NCK2: variants seen among roughly 807,000 people sequenced by gnomAD.
NCK2 encodes the protein NCK adaptor protein 2, also known as cytoplasmic protein NCK2.
Under a neutral mutation model 33.9 loss-of-function variants are expected in NCK2, and 16 were observed. The ratio of observed to expected loss-of-function variants is 0.47; its 90% CI spans 0.32 to 0.72. NCK2 has a LOEUF of 0.72. Among genes scored for constraint, NCK2 ranks in the 30% least tolerant of loss-of-function variants. The pLI, the probability that NCK2 is intolerant of heterozygous loss-of-function variation, is 0.03. For missense variants in NCK2, 418 were observed against 537.3 expected, an observed-to-expected ratio of 0.78 and a Z score of 2.19; for synonymous variants, 273 against 239.9, an observed-to-expected ratio of 1.14 and a Z score of -1.27.
intron 2 of NCK2, among the ~76,000 whole-genome samples, chr2:105,824,629 C>T (rs1005681707): frequency 1.3e-5 from 2 of 152,098 alleles, no homozygotes; most frequent in South Asian, 2.1e-4. Flanking sequence ...CACGTCTCGG[C>T]GGCGTGTGCT....
chr2:105,803,097 C>T (rs935116262), intron 1 of NCK2, among the ~76,000 whole-genome samples: 32 of 151,944 alleles, frequency 2.1e-4, no homozygotes, highest in African/African-American at 7.7e-4. Context: ...ATTATAGTTC[C>T]CCTAGCTTTG....
intron 2 of NCK2, among the ~76,000 whole-genome samples, chr2:105,852,782 G>C (rs1677116355): frequency 2.0e-5 from 3 of 152,096 alleles, no homozygotes; most frequent in Admixed American, 6.5e-5. Context: ...AGTCTAATCT[G>C]ACATAAAGCT....
intron 4 of NCK2, among the ~76,000 whole-genome samples, chr2:105,887,040 G>A (rs1678748458): frequency 6.6e-6 from 1 of 152,194 alleles, no homozygotes; most frequent in African/African-American, 2.4e-5. Context: ...CTTCACACTT[G>A]GGGCAAGGAA....
chr2:105,788,096 C>T (rs1690744883), intron 1 of NCK2, among the ~76,000 whole-genome samples: 1 of 152,194 alleles, frequency 6.6e-6, no homozygotes, highest in Non-Finnish European at 1.5e-5. Flanking sequence ...AAAAGCTTCT[C>T]AATTTGACTT....
At chr2:105,749,720 G>A (rs766897162) in intron 1 of NCK2, among the ~76,000 whole-genome samples, 58 of 152,168 alleles carry the variant, frequency 3.8e-4, no homozygotes, top group South Asian at 8.3e-4. Context: ...GAGGTTGAGC[G>A]GTGTGAGGGG....
intron 2 of NCK2, among the ~76,000 whole-genome samples, chr2:105,852,292 C>T (rs1286033090): frequency 6.6e-6 from 1 of 152,182 alleles, no homozygotes. Flanking sequence ...CTTCCCATTG[C>T]ATTTCGCAGA....
chr2:105,806,238 C>CTTTTTTT (rs56141591), intron 1 of NCK2, among the ~76,000 whole-genome samples: 10 of 135,968 alleles, frequency 7.4e-5, no homozygotes, highest in Non-Finnish European at 9.1e-5. Flanking sequence ...CATTTTCTTT[C>CTTTTTTT]TTTTTTTTTT....
At chr2:105,892,412 T>C (rs555295346) in intron 4 of NCK2, among the ~76,000 whole-genome samples, 1 of 152,366 alleles carries the variant, frequency 6.6e-6, no homozygotes, top group South Asian at 2.1e-4. Context: ...AGTTTGCACT[T>C]TTCAAATAAC....
intron 2 of NCK2, among the ~76,000 whole-genome samples, chr2:105,830,367 C>T (rs180955382): frequency 6.6e-6 from 1 of 152,284 alleles, no homozygotes; most frequent in Non-Finnish European, 1.5e-5. Flanking sequence ...ATAACATTAT[C>T]CAGGCTTATC....
chr2:105,796,601 G>A lies in NCK2; in HGVS notation c.-200-19829G>A, dbSNP rs1393177150. 2.6e-5 allele frequency among the ~76,000 whole-genome samples: 4 copies of A among 152,164 alleles called. No individual in the cohort carries two copies. The East Asian group carries it at 5.8e-4, about 22-fold the overall frequency. On this transcript the variant is annotated intron_variant, in intron 1 of 4. Transcript: ENST00000233154. ...TCTGGACTGAGCCTGGGAGCTGGAAGGCTGGAGATGGTGCTTTTCTTCCTT... is the reference window on the plus strand; with the variant it reads ...TCTGGACTGAGCCTGGGAGCTGGAAAGCTGGAGATGGTGCTTTTCTTCCTT...
At chr2:105,805,925 G>A (rs190912175) in intron 1 of NCK2, among the ~76,000 whole-genome samples, 22 of 152,284 alleles carry the variant, frequency 1.4e-4, no homozygotes, top group Admixed American at 9.8e-4. Flanking sequence ...AGGTTTTGGG[G>A]ATGGAGCCAA....
At chr2:105,856,606 C>A in intron 3 of NCK2, 1 of 152,342 alleles carries the variant, frequency 6.6e-6, no homozygotes, top group Non-Finnish European at 1.5e-5. Flanking sequence ...TAAACTCCCT[C>A]TGCAAAATCA....
intron 1 of NCK2, among the ~76,000 whole-genome samples, chr2:105,816,019 C>T (rs1018002119): frequency 1.1e-4 from 16 of 152,102 alleles, no homozygotes; most frequent in African/African-American, 3.9e-4. Flanking sequence ...GTGGTTGGCC[C>T]TCCCCAACCC....
chr2:105,798,993 C>G (rs1208736403), intron 1 of NCK2, among the ~76,000 whole-genome samples: 4 of 152,026 alleles, frequency 2.6e-5, no homozygotes, highest in Admixed American at 2.0e-4. Flanking sequence ...TCAGATGTCC[C>G]TTTTCATCAG....
intron 2 of NCK2, among the ~76,000 whole-genome samples, chr2:105,852,206 C>T (rs1355463551): frequency 3.9e-5 from 6 of 152,260 alleles, no homozygotes; most frequent in African/African-American, 1.4e-4. Flanking sequence ...AGGATGACAC[C>T]TCCCTGAAAG....
At chr2:105,789,394 G>T (rs1397424249) in intron 1 of NCK2, among the ~76,000 whole-genome samples, 1 of 152,136 alleles carries the variant, frequency 6.6e-6, no homozygotes, top group African/African-American at 2.4e-5. Flanking sequence ...CGCCATGTTG[G>T]CCAGGCTGGT....
At chr2:105,856,909 T>C (rs952910001) in intron 3 of NCK2, 2 of 152,238 alleles carry the variant, frequency 1.3e-5, no homozygotes, top group Non-Finnish European at 2.9e-5. Flanking sequence ...GAGGGTAGCA[T>C]GAATAGAGAA....
chr2:105,770,489 G>A (rs577355728), intron 1 of NCK2, among the ~76,000 whole-genome samples: 1 of 152,336 alleles, frequency 6.6e-6, no homozygotes, highest in African/African-American at 2.4e-5. Flanking sequence ...TTGTGTGTGT[G>A]TATGCGAATG....
intron 1 of NCK2, among the ~76,000 whole-genome samples, chr2:105,810,721 A>C (rs1484675557): frequency 6.6e-6 from 1 of 152,230 alleles, no homozygotes; most frequent in East Asian, 1.9e-4. Context: ...CAGACCTTTT[A>C]GAGAATGGAG....
Sources: gnomAD v4.1 joint callset for allele counts (sites outside exome capture counted in the v4.1 genomes callset) on GRCh38, gnomAD v4.1.1 for gene constraint, MANE v1.5 for transcripts, NCBI Gene and HGNC (gene_info 2026-07-23, HGNC 2026-07-21) for gene names.